Variants in ELOB observed in about 807,000 individuals in gnomAD.
ELOB encodes the protein elongin B, also known as elongin-B.
A neutral mutation model predicts 12.9 loss-of-function variants in ELOB; 3 were observed. The observed-to-expected ratio is 0.23, with a 90% CI of 0.11 to 0.60. ELOB has a LOEUF of 0.60. Among genes scored for constraint, ELOB ranks in the 20% least tolerant of loss-of-function variants. ELOB has a pLI of 0.89. For missense variants in ELOB, 126 were observed against 159.2 expected (o/e 0.79, Z 1.12); for synonymous variants, 84 against 67.4 (o/e 1.25, Z -1.21).
At chr16:2,772,494 A>G (rs1320648630) in intron 3 of ELOB, 1 of 148,870 alleles carries the variant, frequency 6.7e-6, no homozygotes, top group East Asian at 2.0e-4. Flanking sequence ...GGAGGTCAAG[A>G]CCATCCTGGC....
intron 3 of ELOB, 170 bp from the exon 4 acceptor site, chr16:2,772,272 C>T: frequency 2.7e-6 from 2 of 753,622 alleles, no homozygotes; most frequent in Non-Finnish European, 3.9e-6. Flanking sequence ...ACCCCCGTGG[C>T]CCCACGGTAA....
At position 2,771,690 on chromosome 16, in the gene ELOB, T is replaced by C. The variant is rs2068753360; in HGVS notation, c.*300A>G. On this transcript the variant is annotated 3_prime_UTR_variant, in exon 4 of 4. Coordinates refer to ENST00000409906, the MANE Select transcript of ELOB (RefSeq NM_007108.4). ...AGGCTGGCTCTGGTCTTTGTGTCTC[T>C]CCCAGTCCTTCCCTTTCCTCCCCCT... is the stretch of plus-strand genomic sequence containing the variant. 2 of 1,585,170 alleles carry C rather than the reference T, an allele frequency of 1.3e-6. No individual in the cohort carries two copies. Among genetic ancestry groups the C allele is most frequent in the South Asian group, 1.1e-5 (1 of 87,130 alleles).
At chr16:2,776,910 T>G (rs891879690) in intron 2 of ELOB, 83 bp downstream of exon 2, 5 of 1,458,974 alleles carry the variant, frequency 3.4e-6, no homozygotes, top group Non-Finnish European at 9.1e-7. Flanking sequence ...CGGCCGCTAC[T>G]GTTTACATCG....
chr16:2,771,840 G>A lies in ELOB; in HGVS notation c.*150C>T, dbSNP rs1340130709. The A allele has an allele frequency of 5.9e-5, 86 of 1,455,082 alleles. No homozygotes were observed. The highest frequency in any genetic ancestry group is 7.6e-5 in the Non-Finnish European group (84 of 1,106,422). 90.1% of individuals were successfully genotyped at this position (1,455,082 alleles called of 1,614,324 possible). On this transcript the variant is annotated 3_prime_UTR_variant, in exon 4 of 4. Transcript: ENST00000409906. ...TCAGCCAGGGTCTCAGGATCTGGGA[G>A]ACAGGACAGCACAGGAACTGCCAAG...
Position 2,773,647 on chromosome 16 carries a change from C to A in ELOB, c.245-1545G>T, listed in dbSNP as rs569149544. ...AAGAGCTGACAGCCCATGCTGTGCC[C>A]CCTATCAAGACAGCCATCACCTGCA... On this transcript the variant is annotated intron_variant, in intron 3 of 3. Transcript: ENST00000409906. Among the ~76,000 whole-genome samples the A allele has an allele frequency of 1.6e-3, 245 of 152,234 alleles. 1 individual carries two copies. The highest frequency in any genetic ancestry group is 5.6e-3 in the African/African-American group (232 of 41,536).
chr16:2,773,501 G>T (rs1480294215), intron 3 of ELOB, among the ~76,000 whole-genome samples: 1 of 152,208 alleles, frequency 6.6e-6, no homozygotes, highest in East Asian at 1.9e-4. Flanking sequence ...CTCCTTGAGT[G>T]GTAAGCTTGG....
chr16:2,771,621 C>T lies in ELOB; in HGVS notation c.*369G>A, dbSNP rs368610933. 68 of 1,613,694 alleles carry T rather than the reference C, an allele frequency of 4.2e-5. No individual in the cohort carries two copies. Among genetic ancestry groups the T allele is most frequent in the Non-Finnish European group, 5.5e-5 (65 of 1,179,950 alleles). ...ACATGCAGGCTATGGGGGTGGGGGG[C>T]ACTTAGAAGGAGAAAGGCCTAAAAC... On this transcript the variant is annotated 3_prime_UTR_variant, in exon 4 of 4. Transcript: ENST00000409906.
Position 2,771,722 on chromosome 16 carries a change from G to A in ELOB, c.*268C>T, listed in dbSNP as rs1033263625. The A allele has an allele frequency of 3.2e-6, 5 of 1,551,144 alleles. No individual in the cohort carries two copies. The African/African-American group carries it at 6.8e-5, about 21-fold the overall frequency. On this transcript the variant is annotated 3_prime_UTR_variant, in exon 4 of 4. Coordinates refer to ENST00000409906, the MANE Select transcript of ELOB (RefSeq NM_007108.4). Reference sequence around the variant, plus strand: ...CCTTCCCTTTCCTCCCCCTGGCGTGGTTGGTGTGGCTGGCTAGCTGCTAAC... The same window carrying A: ...CCTTCCCTTTCCTCCCCCTGGCGTGATTGGTGTGGCTGGCTAGCTGCTAAC...
In ELOB at chr16:2,772,110, G is replaced by A; in HGVS notation, c.245-8C>T. 2 of 1,596,308 alleles carry A rather than the reference G, an allele frequency of 1.3e-6. No individual in the cohort carries two copies. Among genetic ancestry groups the A allele is most frequent in the East Asian group, 4.5e-5 (2 of 44,464 alleles). ...GGGCCTCAAAGGTGTCATCTGTGGA[G>A]GAAGCAGCAGAGCTGCAGGGGGGTA... On this transcript the variant is annotated splice_region_variant and splice_polypyrimidine_tract_variant and intron_variant, in intron 3 of 3. Coordinates refer to ENST00000409906, the MANE Select transcript of ELOB (RefSeq NM_007108.4).
intron 2 of ELOB, among the ~76,000 whole-genome samples, chr16:2,776,527 G>T (rs1051198527): frequency 6.6e-6 from 1 of 152,228 alleles, no homozygotes; most frequent in African/African-American, 2.4e-5. Context: ...GCTTGGTGAA[G>T]AACGAGTGGG....
In ELOB at chr16:2,771,699, T is replaced by A. The variant is rs2068753632; in HGVS notation, c.*291A>T. 20 of 1,580,562 alleles carry A rather than the reference T, an allele frequency of 1.3e-5. No homozygotes were observed. The South Asian group carries it at 2.3e-4, about 18-fold the overall frequency. ...CTGGTCTTTGTGTCTCTCCCAGTCCTTCCCTTTCCTCCCCCTGGCGTGGTT... is the reference window on the plus strand; with the variant it reads ...CTGGTCTTTGTGTCTCTCCCAGTCCATCCCTTTCCTCCCCCTGGCGTGGTT... On this transcript the variant is annotated 3_prime_UTR_variant, in exon 4 of 4. Coordinates refer to ENST00000409906, the MANE Select transcript of ELOB (RefSeq NM_007108.4).
Position 2,776,122 on chromosome 16 carries a change from C to T in ELOB, c.139-566G>A, listed in dbSNP as rs376200389. ...CTAGGAATTACCAGAATTCTCAATT[C>T]GTAGGGCCACCAGAGGGTTTCAATG... On this transcript the variant is annotated intron_variant, in intron 2 of 3. Coordinates refer to ENST00000409906, the MANE Select transcript of ELOB (RefSeq NM_007108.4). Among the ~76,000 whole-genome samples the T allele has an allele frequency of 1.7e-4, 26 of 152,278 alleles. No individual in the cohort carries two copies. In the East Asian group the frequency reaches 3.1e-3, roughly 18 times the overall value.
rs750687103 is a variant in ELOB, at chr16:2,771,878, A to G, written c.*112T>C. ...AGGAACTGCCAAGCACAAGCCCCAA[A>G]AGGAGCCCACAGGGAGTGGGACCCA... is the stretch of plus-strand genomic sequence containing the variant. On this transcript the variant is annotated 3_prime_UTR_variant, in exon 4 of 4. Coordinates refer to ENST00000409906, the MANE Select transcript of ELOB (RefSeq NM_007108.4). 6.8e-7 allele frequency: 1 copy of G among 1,474,262 alleles called. No individual in the cohort carries two copies. The highest frequency in any genetic ancestry group is 2.5e-5 in the Admixed American group (1 of 40,522). 91.3% of individuals were successfully genotyped at this position (1,474,262 alleles called of 1,614,324 possible). A position where few individuals can be genotyped will look rare whatever the true frequency, so the allele number is the denominator to read the frequency against.
intron 2 of ELOB, among the ~76,000 whole-genome samples, chr16:2,776,074 T>G (rs1017888632): frequency 2.0e-5 from 3 of 152,192 alleles, no homozygotes; most frequent in African/African-American, 7.2e-5. Flanking sequence ...AGCCTTTTGA[T>G]GCAAAGTTTC....
intron 3 of ELOB, 78 bp from the exon 4 acceptor site, chr16:2,772,180 C>T: frequency 6.9e-7 from 1 of 1,448,316 alleles, no homozygotes; most frequent in Admixed American, 2.6e-5. Context: ...CACGTGTGAT[C>T]ATCTGCAGCT....
chr16:2,776,776 C>T (rs1205718385), intron 2 of ELOB, among the ~76,000 whole-genome samples: 1 of 152,042 alleles, frequency 6.6e-6, no homozygotes, highest in Non-Finnish European at 1.5e-5. Flanking sequence ...CCCTCGGCGC[C>T]CGGGGCCCGG....
Position 2,771,719 on chromosome 16 carries a change from G to A in ELOB, c.*271C>T, listed in dbSNP as rs535578868. 7.5e-5 allele frequency: 116 copies of A among 1,551,128 alleles called. No homozygotes were observed. The highest frequency in any genetic ancestry group is 8.2e-5 in the Non-Finnish European group (94 of 1,151,846). On this transcript the variant is annotated 3_prime_UTR_variant, in exon 4 of 4. Coordinates refer to ENST00000409906, the MANE Select transcript of ELOB (RefSeq NM_007108.4). ...AGTCCTTCCCTTTCCTCCCCCTGGC[G>A]TGGTTGGTGTGGCTGGCTAGCTGCT...
rs1336686934 is a variant in ELOB, at chr16:2,777,180, A to AGCCGCCCCCC, written c.3+47_4-54dup. 960 of 897,170 alleles carry AGCCGCCCCCC rather than the reference A, an allele frequency of 1.1e-3. 2 individuals are homozygous for AGCCGCCCCCC. Among genetic ancestry groups the AGCCGCCCCCC allele is most frequent in the African/African-American group, 3.1e-3 (148 of 47,882 alleles). The allele number at this position is 897,170 out of a possible 1,614,324, so 55.6% of individuals were successfully genotyped here. The stretch of plus-strand genomic sequence containing the variant: ...GAAGCCCGGGCCCCCCGCGCGGCCC[A>AGCCGCCCCCC]GCCGCCCCCCGCCGCCCCCGGCCCG... On this transcript the variant is annotated intron_variant, in intron 1 of 3. Coordinates refer to ENST00000409906, the MANE Select transcript of ELOB (RefSeq NM_007108.4).
At position 2,777,038 on chromosome 16, in the gene ELOB, G is replaced by C. The variant is rs1236546493; in HGVS notation, c.93C>G (p.Val31=). 1.9e-6 allele frequency: 3 copies of C among 1,606,402 alleles called. No individual in the cohort carries two copies. In the African/African-American group the frequency reaches 4.0e-5, roughly 22 times the overall value. The change falls in exon 2 of 4, where the codon GTC becomes GTG. Residue 31 remains valine, a synonymous_variant. Coordinates refer to ENST00000409906, the MANE Select transcript of ELOB (RefSeq NM_007108.4). The stretch of plus-strand genomic sequence containing the variant: ...CAGGAGGCCGCTTGAGGATGCCCTC[G>C]ACGATGCGCTTCAGTTCGAACACCG... The part of the protein sequence containing the change: ...SSTVFELKRI[V]EGILKRPPDE...
Sources: allele counts gnomAD v4.1 joint callset (sites outside exome capture counted in the v4.1 genomes callset), GRCh38; gene constraint gnomAD v4.1.1; transcripts MANE v1.5; gene names NCBI Gene and HGNC (gene_info 2026-07-23, HGNC 2026-07-21).